The following CHST11 variants were observed in gnomAD, a reference collection of about 807,000 sequenced individuals.
The protein encoded by CHST11 is carbohydrate sulfotransferase 11, also known as C4S-1.
CHST11 carries 9 observed loss-of-function variants against 30.4 expected under a neutral mutation model. The observed-to-expected ratio is 0.30, with a 90% CI of 0.18 to 0.52. The LOEUF (loss-of-function observed/expected upper bound fraction) is 0.52, where lower values mean the gene tolerates loss of function less well. Among genes scored for constraint, CHST11 ranks in the 20% least tolerant of loss-of-function variants. CHST11 has a pLI of 0.97. For missense variants in CHST11, 348 were observed against 460.6 expected (o/e 0.76, Z 2.24); for synonymous variants, 152 against 187.8 (o/e 0.81, Z 1.56).
At chr12:104,610,041 C>CTGTGTGTG (rs1491162351) in intron 2 of CHST11, among the ~76,000 whole-genome samples, 5 of 120,442 alleles carry the variant, frequency 4.2e-5, no homozygotes, top group African/African-American at 1.7e-4. Context: ...CCATGAGTGC[C>CTGTGTGTG]TCTGTGTGTG....
At chr12:104,705,110 C>T (rs1278168704) in intron 2 of CHST11, among the ~76,000 whole-genome samples, 1 of 152,164 alleles carries the variant, frequency 6.6e-6, no homozygotes, top group East Asian at 1.9e-4. Context: ...AATAACAGCA[C>T]CTTCACACTT....
chr12:104,690,281 C>T (rs1483825979), intron 2 of CHST11, among the ~76,000 whole-genome samples: 1 of 152,146 alleles, frequency 6.6e-6, no homozygotes, highest in Non-Finnish European at 1.5e-5. Context: ...TTTGGGACTC[C>T]GTGAGGATTT....
At chr12:104,664,369 CTT>C (rs2039624082) in intron 2 of CHST11, among the ~76,000 whole-genome samples, 1 of 152,132 alleles carries the variant, frequency 6.6e-6, no homozygotes, top group Admixed American at 6.5e-5. Context: ...CTTCTTAGGT[CTT>C]TGAGAGACAG....
intron 2 of CHST11, among the ~76,000 whole-genome samples, chr12:104,610,452 C>A (rs2039049123): frequency 6.6e-6 from 1 of 152,182 alleles, no homozygotes; most frequent in African/African-American, 2.4e-5. Context: ...TATAATCTGA[C>A]ATATTTAAAC....
intron 1 of CHST11, among the ~76,000 whole-genome samples, chr12:104,593,788 G>A (rs1178126708): frequency 6.6e-6 from 1 of 152,202 alleles, no homozygotes; most frequent in Non-Finnish European, 1.5e-5. Context: ...CTGGTGGTAA[G>A]TAATAGAGAG....
chr12:104,483,033 C>G (rs1748025096), intron 1 of CHST11, among the ~76,000 whole-genome samples: 1 of 152,156 alleles, frequency 6.6e-6, no homozygotes, highest in Non-Finnish European at 1.5e-5. Flanking sequence ...TTAAGAACAA[C>G]TTGGACATCC....
intron 2 of CHST11, among the ~76,000 whole-genome samples, chr12:104,656,987 C>G (rs1481596596): frequency 1.3e-5 from 2 of 150,048 alleles, no homozygotes; most frequent in East Asian, 3.9e-4. Context: ...GACCTTCAGG[C>G]ATCGTCTGAT....
At chr12:104,632,950 T>C (rs1039191429) in intron 2 of CHST11, among the ~76,000 whole-genome samples, 1 of 152,256 alleles carries the variant, frequency 6.6e-6, no homozygotes, top group Non-Finnish European at 1.5e-5. Context: ...GGTGAAACGC[T>C]TGTGGTTCTC....
At chr12:104,472,415 C>T (rs2037519636) in intron 1 of CHST11, among the ~76,000 whole-genome samples, 1 of 151,992 alleles carries the variant, frequency 6.6e-6, no homozygotes, top group Non-Finnish European at 1.5e-5. Flanking sequence ...ACACACACCC[C>T]TCTAAAGTCA....
chr12:104,556,346 T>C (rs2038454998), intron 1 of CHST11, among the ~76,000 whole-genome samples: 1 of 152,212 alleles, frequency 6.6e-6, no homozygotes, highest in Admixed American at 6.5e-5. Context: ...AGGAAGAGGA[T>C]CCCTGTGATC....
chr12:104,532,881 G>A (rs1268506987), intron 1 of CHST11, among the ~76,000 whole-genome samples: 2 of 152,098 alleles, frequency 1.3e-5, no homozygotes, highest in Non-Finnish European at 2.9e-5. Flanking sequence ...CATGCTATGA[G>A]GGACTTCCCT....
intron 2 of CHST11, among the ~76,000 whole-genome samples, chr12:104,663,755 C>T (rs2136089868): frequency 6.6e-6 from 1 of 152,322 alleles, no homozygotes; most frequent in East Asian, 1.9e-4. Flanking sequence ...TTCAAGGGCA[C>T]TGACATAATA....
rs887671641 is a variant in CHST11 at position 104,497,902 on chromosome 12, G to A, written c.118+40373G>A. On this transcript the variant is annotated intron_variant, in intron 1 of 2. Coordinates refer to ENST00000303694, the MANE Select transcript of CHST11 (RefSeq NM_018413.6). ...CCCTGCATGTGCTGAGTATCTTCCT[G>A]CCCCCTCTTTTTTTTTTTTTTTTTT... is the stretch of plus-strand genomic sequence containing the variant. Among the ~76,000 whole-genome samples the A allele has an allele frequency of 4.4e-5, 6 of 135,056 alleles. No homozygotes were observed. In the South Asian group the frequency reaches 1.4e-3, roughly 31 times the overall value. 88.6% of individuals were successfully genotyped at this position (135,056 alleles called of 152,430 possible).
intron 2 of CHST11, among the ~76,000 whole-genome samples, chr12:104,755,465 AG>A (rs997959880): frequency 6.6e-6 from 1 of 152,114 alleles, no homozygotes; most frequent in African/African-American, 2.4e-5. Context: ...CTTGTGTGGC[AG>A]GGGAGTGTGT....
intron 1 of CHST11, among the ~76,000 whole-genome samples, chr12:104,550,024 G>T (rs1169360785): frequency 1.3e-5 from 2 of 152,220 alleles, no homozygotes; most frequent in Non-Finnish European, 2.9e-5. Flanking sequence ...TTATTTCTCA[G>T]CTGGCTGTAA....
chr12:104,749,453 C>T (rs2040413418), intron 2 of CHST11, among the ~76,000 whole-genome samples: 1 of 152,046 alleles, frequency 6.6e-6, no homozygotes, highest in Admixed American at 6.5e-5. Flanking sequence ...CTCTTCAAAA[C>T]CTTTTGAGAA....
intron 2 of CHST11, among the ~76,000 whole-genome samples, chr12:104,732,893 A>C (rs2040268467): frequency 6.6e-6 from 1 of 152,266 alleles, no homozygotes; most frequent in African/African-American, 2.4e-5. Flanking sequence ...TCTGGAACTA[A>C]GTATTAAGTA....
Position 104,488,580 on chromosome 12 carries a change from TGTATGTATGC to T in CHST11, c.118+31068_118+31077del, listed in dbSNP as rs746342631. 3.9e-3 allele frequency among the ~76,000 whole-genome samples: 518 copies of T among 133,102 alleles called. 4 individuals carry two copies. Among genetic ancestry groups the T allele is most frequent in the Middle Eastern group, 8.2e-3 (2 of 244 alleles). The allele number at this position is 133,102 out of a possible 152,430, so 87.3% of individuals were successfully genotyped here. A position where few individuals can be genotyped will look rare whatever the true frequency, so the allele number is the denominator to read the frequency against. ...GTGTGTGTATGCGTGTGTATGTGTG[TGTATGTATGC>T]GTATGTATGCGTATGTGTGTATGTA... On this transcript the variant is annotated intron_variant, in intron 1 of 2. Coordinates refer to ENST00000303694, the MANE Select transcript of CHST11 (RefSeq NM_018413.6).
intron 2 of CHST11, among the ~76,000 whole-genome samples, chr12:104,642,219 C>T (rs978884473): frequency 6.6e-6 from 1 of 151,852 alleles, no homozygotes; most frequent in Non-Finnish European, 1.5e-5. Flanking sequence ...ATGGTATATC[C>T]ATACTATGGG....
Sources: allele counts gnomAD v4.1 joint callset (sites outside exome capture counted in the v4.1 genomes callset), GRCh38; gene constraint gnomAD v4.1.1; transcripts MANE v1.5; gene names NCBI Gene and HGNC (gene_info 2026-07-23, HGNC 2026-07-21).